Variants in THRB observed in about 807,000 individuals in gnomAD.
The protein encoded by THRB is nuclear receptor subfamily 1 group A member 2.
A neutral mutation model predicts 47.8 loss-of-function variants in THRB; 12 were observed. That is an observed-to-expected ratio of 0.25 (90% confidence interval 0.16 to 0.41). The LOEUF (loss-of-function observed/expected upper bound fraction) is 0.41. THRB is among the 10% of genes least tolerant of loss of function. The pLI is 1.00. For synonymous variants in THRB, 218 were observed against 212.2 expected (o/e 1.03, Z -0.24); for missense variants, 348 against 589.2 (o/e 0.59, Z 4.24).
chr3:24,145,557 A>G (rs1289299418), intron 7 of THRB, among the ~76,000 whole-genome samples: 1 of 151,708 alleles, frequency 6.6e-6, no homozygotes, highest in Non-Finnish European at 1.5e-5. Context: ...GGCAAGGGCT[A>G]AAGGCCTTTA....
intron 3 of THRB, among the ~76,000 whole-genome samples, chr3:24,231,961 G>C (rs903037491): frequency 2.0e-5 from 3 of 151,984 alleles, no homozygotes; most frequent in Non-Finnish European, 1.5e-5. Context: ...AAGGGTCAAG[G>C]AGTTGTTGAG....
chr3:24,332,792 C>T (rs941070971), intron 2 of THRB, among the ~76,000 whole-genome samples: 18 of 152,356 alleles, frequency 1.2e-4, no homozygotes, highest in African/African-American at 4.1e-4. Context: ...CGCAGTGGCT[C>T]ACGCCTGTAA....
intron 3 of THRB, among the ~76,000 whole-genome samples, chr3:24,237,657 C>G (rs1301782983): frequency 6.6e-6 from 1 of 152,092 alleles, no homozygotes; most frequent in Non-Finnish European, 1.5e-5. Context: ...GTAACCATTC[C>G]TAAAATGGGA....
intron 1 of THRB, among the ~76,000 whole-genome samples, chr3:24,374,180 A>C (rs2065116076): frequency 6.6e-6 from 1 of 152,160 alleles, no homozygotes; most frequent in Non-Finnish European, 1.5e-5. Flanking sequence ...CAGGGAATGT[A>C]CTGAGCCAAG....
chr3:24,305,315 A>G (rs1559882677), intron 2 of THRB, among the ~76,000 whole-genome samples: 1 of 152,198 alleles, frequency 6.6e-6, no homozygotes, highest in Non-Finnish European at 1.5e-5. Context: ...AGTGCATGCT[A>G]AAGTGTGAAA....
chr3:24,493,064 TA>T (rs1311369195), intron 1 of THRB, among the ~76,000 whole-genome samples: 10 of 152,342 alleles, frequency 6.6e-5, no homozygotes, highest in South Asian at 4.1e-4. Context: ...TGTCTTTGTA[TA>T]AAACACTCCA....
At chr3:24,461,340 G>A (rs1056333357) in intron 1 of THRB, among the ~76,000 whole-genome samples, 24 of 152,198 alleles carry the variant, frequency 1.6e-4, no homozygotes, top group Non-Finnish European at 2.5e-4. Context: ...TCAGTGGGAT[G>A]TTGTGAGAAT....
chr3:24,174,916 C>T (rs1426962935), intron 5 of THRB, among the ~76,000 whole-genome samples: 1 of 152,136 alleles, frequency 6.6e-6, no homozygotes, highest in Non-Finnish European at 1.5e-5. Flanking sequence ...ATGCAAATAC[C>T]ATATTTATGT....
At chr3:24,325,650 G>A (rs1397978985) in intron 2 of THRB, among the ~76,000 whole-genome samples, 1 of 152,174 alleles carries the variant, frequency 6.6e-6, no homozygotes, top group Non-Finnish European at 1.5e-5. Flanking sequence ...TTATGCCACT[G>A]CACTCCAGCC....
At chr3:24,461,568 T>C (rs1469531162) in intron 1 of THRB, among the ~76,000 whole-genome samples, 1 of 152,254 alleles carries the variant, frequency 6.6e-6, no homozygotes, top group Non-Finnish European at 1.5e-5. Flanking sequence ...ATTAACTTAA[T>C]GATTAATCCA....
intron 1 of THRB, among the ~76,000 whole-genome samples, chr3:24,382,158 A>G (rs1209156685): frequency 6.6e-6 from 1 of 152,112 alleles, no homozygotes; most frequent in Non-Finnish European, 1.5e-5. Context: ...CAGATAATAG[A>G]ATGACTAGAA....
chr3:24,337,763 G>C (rs539225093), intron 1 of THRB, among the ~76,000 whole-genome samples: 4 of 152,324 alleles, frequency 2.6e-5, no homozygotes, highest in Non-Finnish European at 5.9e-5. Context: ...CTTTATCTCA[G>C]TGGATGGTTC....
intron 3 of THRB, among the ~76,000 whole-genome samples, chr3:24,271,573 G>C (rs1368250614): frequency 2.0e-5 from 3 of 152,040 alleles, no homozygotes; most frequent in African/African-American, 7.2e-5. Flanking sequence ...TCCTGTTAGA[G>C]GTTCTCATTA....
chr3:24,405,054 TGTGA>T (rs1323607053), intron 1 of THRB, among the ~76,000 whole-genome samples: 1 of 151,976 alleles, frequency 6.6e-6, no homozygotes, highest in Non-Finnish European at 1.5e-5. Flanking sequence ...TCTTTCACTG[TGTGA>T]GTTTGAACAA....
At chr3:24,285,101 T>A (rs1487878760) in intron 3 of THRB, among the ~76,000 whole-genome samples, 7 of 151,702 alleles carry the variant, frequency 4.6e-5, no homozygotes, top group African/African-American at 1.7e-4. Context: ...CAAAGGACTA[T>A]AAATCATGCT....
chr3:24,203,111 G>T (rs2044793819), intron 4 of THRB, among the ~76,000 whole-genome samples: 1 of 152,156 alleles, frequency 6.6e-6, no homozygotes, highest in Admixed American at 6.6e-5. Context: ...GGAGGAAAGG[G>T]CATTTTTCTT....
chr3:24,259,505 A>G (rs756272585), intron 3 of THRB, among the ~76,000 whole-genome samples: 3 of 151,960 alleles, frequency 2.0e-5, no homozygotes, highest in Non-Finnish European at 4.4e-5. Flanking sequence ...GACTCCTGGG[A>G]GCATACGTTT....
At chr3:24,400,843 C>T (rs1019153308) in intron 1 of THRB, among the ~76,000 whole-genome samples, 1 of 152,058 alleles carries the variant, frequency 6.6e-6, no homozygotes, top group African/African-American at 2.4e-5. Context: ...AGAACTTTCA[C>T]TGGGGGACTA....
intron 4 of THRB, among the ~76,000 whole-genome samples, chr3:24,207,057 AC>A: frequency 6.6e-6 from 1 of 152,212 alleles, no homozygotes; most frequent in African/African-American, 2.4e-5. Flanking sequence ...GCCGAATTCT[AC>A]CAGAGGTGCA....
Sources: gnomAD v4.1 joint callset for allele counts (sites outside exome capture counted in the v4.1 genomes callset) on GRCh38, gnomAD v4.1.1 for gene constraint, MANE v1.5 for transcripts, NCBI Gene and HGNC (gene_info 2026-07-23, HGNC 2026-07-21) for gene names.